USB1: variants seen among roughly 807,000 people sequenced by gnomAD.
USB1 encodes U6 snRNA biogenesis phosphodiesterase 1.
Under a neutral mutation model 29.9 loss-of-function variants are expected in USB1, and 21 were observed. That is an observed-to-expected ratio of 0.70 (90% CI 0.50 to 1.01). The LOEUF is 1.01. USB1 is among the 50% of genes least tolerant of loss of function. The pLI, the probability that USB1 is intolerant of heterozygous loss-of-function variation, is 0.00. For missense variants in USB1, 330 were observed against 347.1 expected, an observed-to-expected ratio of 0.95 and a Z score of 0.39; for synonymous variants, 143 against 134.9, an observed-to-expected ratio of 1.06 and a Z score of -0.42.
In USB1 at chr16:58,020,466, C is replaced by G; in HGVS notation, c.*221C>G. 8.4e-6 allele frequency: 5 copies of G among 594,970 alleles called. No individual in the cohort carries two copies. The Admixed American group carries it at 1.4e-4, about 16-fold the overall frequency. The allele number at this position is 594,970 out of a possible 1,614,324, so 36.9% of individuals were successfully genotyped here. A position where few individuals can be genotyped will look rare whatever the true frequency, so the allele number is the denominator to read the frequency against. On this transcript the variant is annotated 3_prime_UTR_variant, in exon 7 of 7. Transcript: ENST00000219281. ...CTCTCTCTTCTCCTCTCTTTCTCTCCTCTGTCTCTCTTCCTCTCCTCTCTT... is the reference window on the plus strand; with the variant it reads ...CTCTCTCTTCTCCTCTCTTTCTCTCGTCTGTCTCTCTTCCTCTCCTCTCTT...
intron 3 of USB1, chr16:58,011,538 A>T (rs954963229): frequency 7.0e-6 from 7 of 1,003,120 alleles, no homozygotes; most frequent in Non-Finnish European, 8.3e-6. Flanking sequence ...CCGTCCAGAG[A>T]TCAGTCGGTC....
At chr16:58,011,650 T>G (rs1349638815) in intron 3 of USB1, 12 of 988,474 alleles carry the variant, frequency 1.2e-5, no homozygotes, top group Middle Eastern at 5.1e-4. Context: ...GCCCTGTGGT[T>G]GTTTCACAGG....
intron 2 of USB1, among the ~76,000 whole-genome samples, chr16:58,006,460 C>A (rs1963360959): frequency 8.1e-6 from 1 of 124,148 alleles, no homozygotes; most frequent in South Asian, 2.9e-4. Context: ...GAGTTCAAGA[C>A]CAGCCTGGCC....
At chr16:58,001,912 C>T (rs1299443323) in intron 1 of USB1, among the ~76,000 whole-genome samples, 3 of 152,226 alleles carry the variant, frequency 2.0e-5, no homozygotes, top group Non-Finnish European at 2.9e-5. Flanking sequence ...GATAGTAATA[C>T]TTGCTAAAGC....
chr16:58,012,929 T>C (rs930767665), intron 3 of USB1: 3 of 986,290 alleles, frequency 3.0e-6, no homozygotes, highest in African/African-American at 3.5e-5. Flanking sequence ...TACTGATCCC[T>C]GTGGGATGTA....
intron 3 of USB1, chr16:58,010,709 A>T (rs1009226223): frequency 2.8e-6 from 1 of 361,118 alleles, no homozygotes; most frequent in African/African-American, 2.1e-5. Context: ...ATTACAAAGG[A>T]TATGTTACAG....
intron 5 of USB1, among the ~76,000 whole-genome samples, chr16:58,018,422 C>T (rs1963667275): frequency 6.6e-6 from 1 of 152,064 alleles, no homozygotes; most frequent in Non-Finnish European, 1.5e-5. Flanking sequence ...CGGGGTTTCA[C>T]CATGTTGGCC....
intron 4 of USB1, among the ~76,000 whole-genome samples, chr16:58,014,542 G>A (rs1194758624): frequency 6.6e-6 from 1 of 152,190 alleles, no homozygotes; most frequent in East Asian, 1.9e-4. Context: ...CAGCACTTTG[G>A]GAGGCTGAAG....
At chr16:58,016,551 GA>G (rs1331809542) in intron 4 of USB1, 1 of 154,710 alleles carries the variant, frequency 6.5e-6, no homozygotes, top group African/African-American at 2.4e-5. Context: ...TCACCACGGG[GA>G]GGCTGGAGAG....
intron 3 of USB1, chr16:58,011,184 A>C: frequency 1.3e-6 from 2 of 1,512,586 alleles, no homozygotes; most frequent in Non-Finnish European, 1.8e-6. Context: ...CACAGGTTTT[A>C]GGATCTCTGT....
rs3743561 is a variant in USB1, at chr16:58,002,447, A to T, written c.99-32A>T. The T allele has an allele frequency of 0.076, 121,908 of 1,612,510 alleles. 5,191 individuals carry two copies. The highest frequency in any genetic ancestry group is 0.083 in the South Asian group (7,596 of 91,072). On this transcript the variant is annotated intron_variant, in intron 1 of 6. Transcript: ENST00000219281. ...AAAGGTAGAGAATGCTAACAGGATA[A>T]ATGTACTCATTTTTCTTTTTTTCTT...
Position 58,020,522 on chromosome 16 carries a change from TTCC to T in USB1, c.*280_*282del, listed in dbSNP as rs1329847656. On this transcript the variant is annotated 3_prime_UTR_variant, in exon 7 of 7. Transcript: ENST00000219281. The stretch of plus-strand genomic sequence containing the variant: ...CTTCTCTCTTCCTCTCCTCTCTCTC[TTCC>T]TCTTCTCTCTCTTCCCCTCCTGTCT... 1.5e-4 allele frequency: 73 copies of T among 484,830 alleles called. No individual in the cohort carries two copies. The highest frequency in any genetic ancestry group is 5.8e-4 in the Middle Eastern group (1 of 1,712). 30.0% of individuals were successfully genotyped at this position (484,830 alleles called of 1,614,324 possible).
intron 5 of USB1, among the ~76,000 whole-genome samples, chr16:58,018,205 G>A (rs1963661530): frequency 6.6e-6 from 1 of 151,682 alleles, no homozygotes; most frequent in Admixed American, 6.6e-5. Context: ...CAAGATCAAG[G>A]TGACAGCATG....
chr16:58,021,014 T>C lies in USB1; in HGVS notation c.*769T>C, dbSNP rs1157340542. 2 of 153,724 alleles carry C rather than the reference T, an allele frequency of 1.3e-5. No homozygotes were observed. The highest frequency in any genetic ancestry group is 4.8e-5 in the African/African-American group (2 of 41,468). The allele number at this position is 153,724 out of a possible 1,614,324, so 9.5% of individuals were successfully genotyped here. ...TTCAGCAATTTGTATTTTGATGCCA[T>C]TGGCCTCAGATCAGAGTGTTTTAAA... On this transcript the variant is annotated 3_prime_UTR_variant, in exon 7 of 7. Transcript: ENST00000219281.
At chr16:58,000,321 G>A (rs1963140402), upstream of USB1, 1 of 151,294 alleles carries the variant, frequency 6.6e-6, no homozygotes, top group African/African-American at 2.4e-5. This position sits in a 1 kb window ranked among gnomAD's most constrained non-coding sequence, Gnocchi z 4.5. Flanking sequence ...GCGCGGGGGG[G>A]CGGCCGGGCC....
chr16:58,002,770 C>A (rs1480993066), intron 2 of USB1, 125 bp downstream of exon 2: 4 of 1,353,680 alleles, frequency 3.0e-6, no homozygotes, highest in Non-Finnish European at 4.1e-6. Context: ...GTGGGAAAGT[C>A]ATTGACTTAG....
rs1397537421 is a variant in USB1 at position 58,017,374 on chromosome 16, T to C, written c.544T>C (p.Phe182Leu). 6.2e-7 allele frequency: 1 copy of C among 1,614,062 alleles called. No homozygotes were observed. Among genetic ancestry groups the C allele is most frequent in the Non-Finnish European group, 8.5e-7 (1 of 1,180,026 alleles). Reference sequence around the variant, plus strand: ...TGAGGTCACTTCAGGGCATGCCCAGTTCCTGGACCTGGTTTCAGAGGTGGA... The same window carrying C: ...TGAGGTCACTTCAGGGCATGCCCAGCTCCTGGACCTGGTTTCAGAGGTGGA... Reference protein sequence around the residue: ...GLEVTSGHAQFLDLVSEVDRV... With the variant: ...GLEVTSGHAQLLDLVSEVDRV... The change falls in exon 5 of 7, where the codon TTC becomes CTC. Residue 182 changes from phenylalanine to leucine, a missense_variant. By Grantham distance (22) the Phe-to-Leu change is conservative. Coordinates refer to ENST00000219281, the MANE Select transcript of USB1 (RefSeq NM_024598.4).
At chr16:58,009,738 T>A (rs555444387) in intron 2 of USB1, among the ~76,000 whole-genome samples, 191 bp from the exon 3 acceptor site, 228 of 148,826 alleles carry the variant, frequency 1.5e-3, no homozygotes, top group East Asian at 6.6e-3. Context: ...AAAAAAAAAA[T>A]AATAATAAAT....
At chr16:58,017,260 C>A in intron 4 of USB1, 74 bp from the exon 5 acceptor site, 1 of 1,404,124 alleles carries the variant, frequency 7.1e-7, no homozygotes, top group Non-Finnish European at 1.0e-6. Flanking sequence ...TTCTGCCTGG[C>A]TCCTGCTCGG....
Sources: allele counts gnomAD v4.1 joint callset (sites outside exome capture counted in the v4.1 genomes callset), GRCh38; gene constraint gnomAD v4.1.1; non-coding constraint Gnocchi (gnomAD v3.1); transcripts MANE v1.5; gene names NCBI Gene and HGNC (gene_info 2026-07-23, HGNC 2026-07-21).